Variants in ANKFN1 observed in about 807,000 individuals in gnomAD.
The protein encoded by ANKFN1 is ankyrin repeat and fibronectin type III domain containing 1.
In ANKFN1, 74 loss-of-function variants were observed where a neutral mutation model predicts 108.7. The ratio of observed to expected loss-of-function variants is 0.68; its 90% CI spans 0.56 to 0.83. ANKFN1 has a LOEUF of 0.83. Ranked by LOEUF, ANKFN1 falls within the 40% of genes least tolerant of loss-of-function variation. The pLI is 0.00. For missense variants in ANKFN1, 1,505 were observed against 1,382.3 expected (o/e 1.09, Z -1.41); for synonymous variants, 547 against 516.2 (o/e 1.06, Z -0.81).
chr17:56,492,706 A>T (rs1022562888), intron 19 of ANKFN1, among the ~76,000 whole-genome samples: 1 of 152,148 alleles, frequency 6.6e-6, no homozygotes, highest in Non-Finnish European at 1.5e-5. Flanking sequence ...AAATTGTATT[A>T]ATTAATTCAA....
At chr17:56,087,574 G>GA (rs1905339704) in intron 4 of ANKFN1, among the ~76,000 whole-genome samples, 1 of 150,512 alleles carries the variant, frequency 6.6e-6, no homozygotes, top group Non-Finnish European at 1.5e-5. Flanking sequence ...CTAGCCTCCA[G>GA]AAAATTTTTC....
At chr17:56,227,710 A>G (rs2143909689) in intron 2 of ANKFN1, among the ~76,000 whole-genome samples, 1 of 152,216 alleles carries the variant, frequency 6.6e-6, no homozygotes, top group South Asian at 2.1e-4. Context: ...GTGATGAGAT[A>G]CAGCAGCTAG....
At chr17:56,122,615 G>A (rs1447832903) in intron 4 of ANKFN1, among the ~76,000 whole-genome samples, 1 of 152,156 alleles carries the variant, frequency 6.6e-6, no homozygotes, top group Non-Finnish European at 1.5e-5. Flanking sequence ...TTCTGCTTCA[G>A]ACTATTGGAA....
chr17:56,376,032 C>A (rs1248991458), intron 8 of ANKFN1, among the ~76,000 whole-genome samples: 1 of 152,192 alleles, frequency 6.6e-6, no homozygotes, highest in Admixed American at 6.5e-5. Flanking sequence ...TGGAATTACA[C>A]TGAACAGCCC....
intron 8 of ANKFN1, among the ~76,000 whole-genome samples, chr17:56,411,236 A>G (rs2048081239): frequency 6.6e-6 from 1 of 152,156 alleles, no homozygotes; most frequent in Admixed American, 6.5e-5. Context: ...ATTTACTGCT[A>G]CATATTTTTA....
intron 3 of ANKFN1, among the ~76,000 whole-genome samples, chr17:56,287,751 G>A (rs1031716889): frequency 6.6e-6 from 1 of 152,056 alleles, no homozygotes; most frequent in Admixed American, 6.6e-5. Context: ...CCTTAAAAAG[G>A]GCAACCAATT....
chr17:56,160,379 T>C (rs1399230659), intron 1 of ANKFN1, among the ~76,000 whole-genome samples: 1 of 152,240 alleles, frequency 6.6e-6, no homozygotes, highest in African/African-American at 2.4e-5. Flanking sequence ...ACACAGTTTT[T>C]CCTTATGGCT....
intron 4 of ANKFN1, among the ~76,000 whole-genome samples, chr17:56,348,989 A>G (rs1423714195): frequency 6.6e-6 from 1 of 152,226 alleles, no homozygotes; most frequent in Non-Finnish European, 1.5e-5. Context: ...AATGCCCATC[A>G]ATGATAGACT....
chr17:56,330,532 T>C (rs1388296564), intron 4 of ANKFN1, among the ~76,000 whole-genome samples: 1 of 152,170 alleles, frequency 6.6e-6, no homozygotes, highest in African/African-American at 2.4e-5. Flanking sequence ...TACCACACTA[T>C]TTCATAGCTA....
chr17:56,323,342 G>C (rs11079219), intron 3 of ANKFN1: 22,121 of 152,552 alleles, frequency 0.15, 2,144 homozygotes, highest in East Asian at 0.41. Context: ...CAGAACCAGA[G>C]AAATCTTCCT....
At chr17:56,413,463 G>A (rs1406845762) in intron 8 of ANKFN1, among the ~76,000 whole-genome samples, 1 of 152,106 alleles carries the variant, frequency 6.6e-6, no homozygotes, top group Non-Finnish European at 1.5e-5. Flanking sequence ...TTACTATGTT[G>A]AATAGAAGTA....
rs765735815 is a variant in ANKFN1 at position 56,440,312 on chromosome 17, C to T, written c.911-15C>T. ...TCCCTCTTTCTCTCTCTCCCTGCCC[C>T]CCTACTCCCTCCAGTGGAATGGAGT... On this transcript the variant is annotated splice_polypyrimidine_tract_variant and intron_variant, in intron 8 of 20. Coordinates refer to ENST00000682825, the MANE Select transcript of ANKFN1 (RefSeq NM_001370326.1). 4 of 1,548,558 alleles carry T rather than the reference C, an allele frequency of 2.6e-6. No individual in the cohort carries two copies. The highest frequency in any genetic ancestry group is 3.6e-6 in the Non-Finnish European group (4 of 1,122,770).
intron 4 of ANKFN1, among the ~76,000 whole-genome samples, chr17:56,065,107 A>G (rs1905039695): frequency 1.3e-5 from 2 of 152,102 alleles, no homozygotes; most frequent in Admixed American, 1.3e-4. Flanking sequence ...CCTCATGCTT[A>G]TTATGGTTCT....
intron 1 of ANKFN1, among the ~76,000 whole-genome samples, chr17:56,168,901 C>T (rs533835359): frequency 1.3e-5 from 2 of 152,292 alleles, no homozygotes; most frequent in African/African-American, 4.8e-5. Context: ...TAGGCTTAGA[C>T]CATTGCTTCT....
rs149849322 is a variant in ANKFN1, at chr17:56,422,326, C to A, written c.911-18001C>A. On this transcript the variant is annotated intron_variant, in intron 8 of 20. Coordinates refer to ENST00000682825, the MANE Select transcript of ANKFN1 (RefSeq NM_001370326.1). ...ATTGATTTTCCTAGCCTTATTGGACCATGTGGTTTTATACCAAATATTTTG... is the reference window on the plus strand; with the variant it reads ...ATTGATTTTCCTAGCCTTATTGGACAATGTGGTTTTATACCAAATATTTTG... 8.1e-4 allele frequency among the ~76,000 whole-genome samples: 89 copies of A among 109,870 alleles called. 4 individuals are homozygous for A. In the East Asian group the frequency reaches 0.025, roughly 31 times the overall value. The allele number at this position is 109,870 out of a possible 152,430, so 72.1% of individuals were successfully genotyped here.
At chr17:56,091,418 T>TCA (rs34588908) in intron 4 of ANKFN1, among the ~76,000 whole-genome samples, 31,903 of 136,660 alleles carry the variant, frequency 0.23, 4,507 homozygotes, top group Middle Eastern at 0.33. Flanking sequence ...TCCAAACAAA[T>TCA]CACACACACA....
At chr17:56,394,682 C>G (rs1330624027) in intron 8 of ANKFN1, among the ~76,000 whole-genome samples, 1 of 152,128 alleles carries the variant, frequency 6.6e-6, no homozygotes, top group African/African-American at 2.4e-5. Flanking sequence ...CCAGTGGCCA[C>G]AGAGGCAGGT....
chr17:56,105,461 A>C (rs567292011), intron 4 of ANKFN1, among the ~76,000 whole-genome samples: 1 of 140,696 alleles, frequency 7.1e-6, no homozygotes. Flanking sequence ...TCTCTCTCTC[A>C]CTCTCTCCCT....
chr17:56,510,751 C>T lies in ANKFN1; in HGVS notation c.2923C>T (p.Leu975Phe), dbSNP rs1456429914. The T allele has an allele frequency of 6.5e-7, 1 of 1,536,154 alleles. No homozygotes were observed. Among genetic ancestry groups the T allele is most frequent in the South Asian group, 1.2e-5 (1 of 84,062 alleles). Reference sequence around the variant, plus strand: ...TGCCGAGTTTCTCCATAGCCTGACCCTCACGGGGTTCACACCCAAGAACCA... The same window carrying T: ...TGCCGAGTTTCTCCATAGCCTGACCTTCACGGGGTTCACACCCAAGAACCA... Reference protein sequence around the residue: ...SCAEFLHSLTLTGFTPKNHAK... With the variant: ...SCAEFLHSLTFTGFTPKNHAK... Residue 975 changes from leucine to phenylalanine, a missense_variant, in exon 21 of 21, where the codon CTC (leucine) becomes TTC (phenylalanine). Coordinates refer to ENST00000682825, the MANE Select transcript of ANKFN1 (RefSeq NM_001370326.1).
Sources: allele counts gnomAD v4.1 joint callset (sites outside exome capture counted in the v4.1 genomes callset), GRCh38; gene constraint gnomAD v4.1.1; transcripts MANE v1.5; gene names NCBI Gene and HGNC (gene_info 2026-07-23, HGNC 2026-07-21).